PIGR: variants seen among roughly 807,000 people sequenced by gnomAD.
The protein encoded by PIGR is polymeric immunoglobulin receptor.
A neutral mutation model predicts 69.5 loss-of-function variants in PIGR; 22 were observed. That is an observed-to-expected ratio of 0.32 (90% CI 0.23 to 0.45). The LOEUF (loss-of-function observed/expected upper bound fraction) is 0.45, where lower values mean the gene tolerates loss of function less well. Among genes scored for constraint, PIGR ranks in the 20% least tolerant of loss-of-function variants. The pLI is 1.00. For synonymous variants in PIGR, 413 were observed against 407.6 expected (o/e 1.01, Z -0.16); for missense variants, 885 against 974.0 (o/e 0.91, Z 1.22).
Position 206,939,244 on chromosome 1 carries a change from G to A in PIGR, c.263C>T (p.Pro88Leu), listed in dbSNP as rs1199814836. 13 of 1,614,088 alleles carry A rather than the reference G, an allele frequency of 8.1e-6. No individual in the cohort carries two copies. Among genetic ancestry groups the A allele is most frequent in the Middle Eastern group, 1.6e-4 (1 of 6,084 alleles). The change falls in exon 3 of 11, where the codon CCG becomes CTG. Residue 88 changes from proline to leucine, a missense_variant. Pro to Leu is a moderately conservative substitution (Grantham distance 98). Coordinates refer to ENST00000356495, the MANE Select transcript of PIGR (RefSeq NM_002644.4). Reference protein sequence around the residue: ...YAGRANLTNFPENGTFVVNIA... With the variant: ...YAGRANLTNFLENGTFVVNIA... ...GTTCACCACAAATGTGCCGTTCTCC[G>A]GGAAGTTGGTGAGGTTAGCCCTGCC... is the stretch of plus-strand genomic sequence containing the variant.
chr1:206,931,860 G>C, intron 8 of PIGR, 58 bp from the exon 9 acceptor site: 7 of 1,601,758 alleles, frequency 4.4e-6, no homozygotes, highest in Non-Finnish European at 6.0e-6. Context: ...AGAAGGCCAG[G>C]CTGGGCTGCT....
Position 206,934,578 on chromosome 1 carries a change from G to C in PIGR, c.1547C>G (p.Ala516Gly), listed in dbSNP as rs868399687. ...LPSQDEGPSK[A>G]FVNCDENSRL... ...GCTGTTCTCGTCACAGTTCACGAAG[G>C]CCTTGCTGGGGCCTTCGTCTTGGCT... The change falls in exon 6 of 11, where the codon GCC becomes GGC. Residue 516 changes from alanine to glycine, a missense_variant. By Grantham distance (60) the Ala-to-Gly change is moderately conservative (BLOSUM62 0). Coordinates refer to ENST00000356495, the MANE Select transcript of PIGR (RefSeq NM_002644.4). The C allele has an allele frequency of 9.9e-6, 16 of 1,614,248 alleles. No homozygotes were observed. The Middle Eastern group carries it at 2.6e-3, about 266-fold the overall frequency.
Position 206,939,220 on chromosome 1 carries a change from T to A in PIGR, c.287A>T (p.Asn96Ile). The change falls in exon 3 of 11, where the codon AAC becomes ATC. Residue 96 changes from asparagine to isoleucine, a missense_variant. By Grantham distance (149) the Asn-to-Ile change is moderately radical (BLOSUM62 -3). Coordinates refer to ENST00000356495, the MANE Select transcript of PIGR (RefSeq NM_002644.4). ...GTCATCCTGGCTCAGCTGGGCAATG[T>A]TCACCACAAATGTGCCGTTCTCCGG... The part of the protein sequence containing the change: ...NFPENGTFVV[N>I]IAQLSQDDSG... 6.2e-7 allele frequency: 1 copy of A among 1,614,202 alleles called. No homozygotes were observed. Among genetic ancestry groups the A allele is most frequent in the Non-Finnish European group, 8.5e-7 (1 of 1,180,022 alleles).
chr1:206,932,710 C>T lies in PIGR; in HGVS notation c.1887-133G>A, dbSNP rs1275673837. 6 of 1,139,262 alleles carry T rather than the reference C, an allele frequency of 5.3e-6. No individual in the cohort carries two copies. The African/African-American group carries it at 6.3e-5, about 12-fold the overall frequency. 70.6% of individuals were successfully genotyped at this position (1,139,262 alleles called of 1,614,324 possible). On this transcript the variant is annotated intron_variant, in intron 7 of 10. Transcript: ENST00000356495. ...ACCCTGCTGATGCAGCTCCCTAGCT[C>T]TGTTCTTCTAAGAAGCCTTCCCAGA...
In PIGR at chr1:206,930,778, G is replaced by A. The variant is rs1041145999; in HGVS notation, c.2200-365C>T. On this transcript the variant is annotated intron_variant, in intron 10 of 10. Transcript: ENST00000356495. This position sits in a 1 kb window ranked among gnomAD's most constrained non-coding sequence, Gnocchi z 4.3. ...TTTCTTTCTCCACCAGCCCAGACAG[G>A]TAGCTTTTTGGCACCACAAAGTTAA... The A allele has an allele frequency of 2.0e-6, 2 of 985,262 alleles. No homozygotes were observed. The highest frequency in any genetic ancestry group is 3.5e-5 in the African/African-American group (2 of 57,214). 61.0% of individuals were successfully genotyped at this position (985,262 alleles called of 1,614,324 possible). A position where few individuals can be genotyped will look rare whatever the true frequency, so the allele number is the denominator to read the frequency against.
chr1:206,940,999 A>G (rs182045634), intron 1 of PIGR, among the ~76,000 whole-genome samples: 22 of 152,248 alleles, frequency 1.4e-4, no homozygotes, highest in Admixed American at 2.6e-4. Context: ...GCGGGCTGAC[A>G]TATTTCACAG....
At chr1:206,941,106 C>T (rs1038487546) in intron 1 of PIGR, among the ~76,000 whole-genome samples, 2 of 152,220 alleles carry the variant, frequency 1.3e-5, no homozygotes, top group African/African-American at 4.8e-5. Context: ...TTGATTGCTC[C>T]CTTATTCTGT....
Position 206,935,802 on chromosome 1 carries a change from G to A in PIGR, c.1062C>T (p.Arg354=), listed in dbSNP as rs772385923. The change falls in exon 5 of 11, where the codon CGC becomes CGT. Residue 354 remains arginine (R), a synonymous_variant. Coordinates refer to ENST00000356495, the MANE Select transcript of PIGR (RefSeq NM_002644.4). This position sits in a 1 kb window ranked among gnomAD's most constrained non-coding sequence, Gnocchi z 4.4. The part of the protein sequence containing the change: ...LFVNEESTIP[R]SPTVVKGVAG... ...CCACCCCCTTCACCACAGTGGGGCT[G>A]CGGGGAATCGTGGACTCTGGAAGCA... The A allele has an allele frequency of 1.9e-6, 3 of 1,602,574 alleles. No individual in the cohort carries two copies. The highest frequency in any genetic ancestry group is 2.6e-6 in the Non-Finnish European group (3 of 1,171,344).
At position 206,932,509 on chromosome 1, in the gene PIGR, G is replaced by A. The variant is rs1572641967; in HGVS notation, c.1955C>T (p.Ala652Val). The change falls in exon 8 of 11, where the codon GCA (alanine) becomes GTA (valine). Residue 652 changes from alanine (A) to valine (V), a missense_variant. Transcript: ENST00000356495. ...STLVPLGLVL[A>V]VGAVAVGVAR... ...CACCCCCACAGCCACGGCTCCCACT[G>A]CCAGCACCAGGCCCAGGGGCACCAG... The A allele has an allele frequency of 6.2e-7, 1 of 1,613,420 alleles. No individual in the cohort carries two copies. Among genetic ancestry groups the A allele is most frequent in the African/African-American group, 1.3e-5 (1 of 74,902 alleles).
intron 8 of PIGR, 142 bp from the exon 9 acceptor site, chr1:206,931,944 T>A (rs1679762781): frequency 2.3e-6 from 2 of 875,414 alleles, no homozygotes; most frequent in Non-Finnish European, 3.7e-6. Context: ...CCCAGGGGGA[T>A]GGAAATGATC....
At position 206,933,116 on chromosome 1, in the gene PIGR, C is replaced by T; in HGVS notation, c.1756G>A (p.Val586Met). 2 of 1,614,194 alleles carry T rather than the reference C, an allele frequency of 1.2e-6. No individual in the cohort carries two copies. The highest frequency in any genetic ancestry group is 1.6e-4 in the Middle Eastern group (1 of 6,062). ...AKADAAPDEKVLDSGFREIEN... is the reference protein window; with the variant it reads ...AKADAAPDEKMLDSGFREIEN... ...ATCTCCCGAAAACCAGAGTCTAGCACCTTCTCATCAGGAGCAGCGTCTGCC... is the reference window on the plus strand; with the variant it reads ...ATCTCCCGAAAACCAGAGTCTAGCATCTTCTCATCAGGAGCAGCGTCTGCC... The change falls in exon 7 of 11, where the codon GTG (valine) becomes ATG (methionine). Residue 586 changes from valine (V) to methionine (M), a missense_variant. Val to Met is a conservative substitution (Grantham distance 21, BLOSUM62 1). Coordinates refer to ENST00000356495, the MANE Select transcript of PIGR (RefSeq NM_002644.4).
intron 6 of PIGR, among the ~76,000 whole-genome samples, chr1:206,934,179 C>T (rs989015343): frequency 7.2e-5 from 11 of 152,078 alleles, no homozygotes; most frequent in African/African-American, 1.9e-4. Context: ...GTCTTAATGC[C>T]GAGGTTAAAT....
At chr1:206,932,631 C>T (rs1405388409) in intron 7 of PIGR, 54 bp from the exon 8 acceptor site, 30 of 1,551,798 alleles carry the variant, frequency 1.9e-5, no homozygotes, top group South Asian at 2.5e-5. Flanking sequence ...GGGGGCCCGA[C>T]GATGTGCTGG....
rs139139378 is a variant in PIGR at position 206,937,577 on chromosome 1, G to T, written c.563C>A (p.Thr188Lys). ...DSSGYVNPNY[T>K]GRIRLDIQGT... ...CTGAATATCAAGGCGTATTCTTCCT[G>T]TATAGTTGGGATTTACATAACCACT... Residue 188 changes from threonine (T) to lysine (K), a missense_variant, in exon 4 of 11, where the codon ACA becomes AAA. By Grantham distance (78) the Thr-to-Lys change is moderately conservative. Transcript: ENST00000356495. 2 of 1,613,998 alleles carry T rather than the reference G, an allele frequency of 1.2e-6. No individual in the cohort carries two copies. The highest frequency in any genetic ancestry group is 1.7e-6 in the Non-Finnish European group (2 of 1,179,990).
intron 1 of PIGR, among the ~76,000 whole-genome samples, chr1:206,942,133 G>A (rs936942472): frequency 6.6e-6 from 1 of 152,224 alleles, no homozygotes; most frequent in Non-Finnish European, 1.5e-5. Context: ...CAGTTCTTTG[G>A]AAGAATAAAG....
chr1:206,940,935 C>T (rs1017316049), intron 1 of PIGR, among the ~76,000 whole-genome samples: 3 of 152,168 alleles, frequency 2.0e-5, no homozygotes, highest in African/African-American at 4.8e-5. Context: ...CCTACCAATA[C>T]GTGGCCCCCA....
Position 206,939,237 on chromosome 1 carries a change from G to A in PIGR, c.270C>T (p.Asn90=), listed in dbSNP as rs746695580. ...GRANLTNFPE[N]GTFVVNIAQL... ...GGGCAATGTTCACCACAAATGTGCC[G>A]TTCTCCGGGAAGTTGGTGAGGTTAG... Residue 90 remains asparagine (N), a synonymous_variant, in exon 3 of 11, where the codon AAC becomes AAT. Coordinates refer to ENST00000356495, the MANE Select transcript of PIGR (RefSeq NM_002644.4). 8.9e-5 allele frequency: 143 copies of A among 1,614,068 alleles called. No homozygotes were observed. Among genetic ancestry groups the A allele is most frequent in the Middle Eastern group, 6.6e-4 (4 of 6,084 alleles).
chr1:206,940,889 G>A (rs942333943), intron 1 of PIGR, among the ~76,000 whole-genome samples: 5 of 152,162 alleles, frequency 3.3e-5, no homozygotes, highest in South Asian at 2.1e-4. Flanking sequence ...CAGGCACACC[G>A]TAAGATCTCA....
chr1:206,930,222 G>A lies in PIGR; in HGVS notation c.*96C>T. On this transcript the variant is annotated 3_prime_UTR_variant, in exon 11 of 11. Coordinates refer to ENST00000356495, the MANE Select transcript of PIGR (RefSeq NM_002644.4). The surrounding 1 kb of genome is among the most constrained non-coding windows in gnomAD (Gnocchi z 4.3). Reference sequence around the variant, plus strand: ...GTAGGAAAAACCTAGGCAGGTGTTAGAGCAGGGAGTGGGGTCCCCAGGAGC... The same window carrying A: ...GTAGGAAAAACCTAGGCAGGTGTTAAAGCAGGGAGTGGGGTCCCCAGGAGC... 9.5e-7 allele frequency: 1 copy of A among 1,047,968 alleles called. No homozygotes were observed. The highest frequency in any genetic ancestry group is 1.4e-6 in the Non-Finnish European group (1 of 728,386). 64.9% of individuals were successfully genotyped at this position (1,047,968 alleles called of 1,614,324 possible).
Sources: gnomAD v4.1 joint callset for allele counts (sites outside exome capture counted in the v4.1 genomes callset) on GRCh38, gnomAD v4.1.1 for gene constraint, Gnocchi (gnomAD v3.1) non-coding constraint, MANE v1.5 for transcripts, NCBI Gene and HGNC (gene_info 2026-07-23, HGNC 2026-07-21) for gene names.